The following ROBO2 variants were observed in gnomAD, a reference collection of about 807,000 sequenced individuals.
ROBO2 encodes the protein roundabout homolog 2.
ROBO2 carries 53 observed loss-of-function variants against 160.8 expected under a neutral mutation model. That is an observed-to-expected ratio of 0.33 (90% CI 0.26 to 0.41). ROBO2 has a LOEUF of 0.41. Among genes scored for constraint, ROBO2 ranks in the 10% least tolerant of loss-of-function variants. ROBO2 has a pLI of 1.00. For synonymous variants in ROBO2, 664 were observed against 611.7 expected (o/e 1.09, Z -1.26); for missense variants, 1,577 against 1,722.4 (o/e 0.92, Z 1.49).
chr3:75,922,615 A>G (rs1156401981), intron 1 of ROBO2, among the ~76,000 whole-genome samples: 1 of 152,096 alleles, frequency 6.6e-6, no homozygotes, highest in African/African-American at 2.4e-5. Flanking sequence ...AATGTATTAG[A>G]TTCCCTATTG....
At chr3:75,944,564 C>T (rs1948198773) in intron 2 of ROBO2, among the ~76,000 whole-genome samples, 1 of 152,080 alleles carries the variant, frequency 6.6e-6, no homozygotes, top group African/African-American at 2.4e-5. Flanking sequence ...ACACAGTGTT[C>T]ATAGTGTTTG....
intron 2 of ROBO2, among the ~76,000 whole-genome samples, chr3:76,622,245 A>AGAAAGAAAGAAAGAAAGAAAGAAAGAAG (rs1560252255): frequency 0.019 from 856 of 44,022 alleles, 28 homozygotes; most frequent in Admixed American, 0.032. Context: ...GAAGAAAGAA[A>AGAAAGAAAGAAAGAAAGAAAGAAAGAAG]GAAAGAAAGA....
intron 2 of ROBO2, among the ~76,000 whole-genome samples, chr3:77,334,162 C>T (rs935552346): frequency 3.9e-5 from 6 of 152,114 alleles, no homozygotes; most frequent in Non-Finnish European, 8.8e-5. Context: ...ATCATTTCAG[C>T]ATTGTATTAA....
At chr3:77,326,890 T>C (rs1467143453) in intron 2 of ROBO2, among the ~76,000 whole-genome samples, 1 of 152,234 alleles carries the variant, frequency 6.6e-6, no homozygotes, top group Non-Finnish European at 1.5e-5. Flanking sequence ...TGCGTTCTAT[T>C]TGAATTCCTC....
At chr3:76,273,563 C>T (rs945296081) in intron 2 of ROBO2, among the ~76,000 whole-genome samples, 1 of 152,100 alleles carries the variant, frequency 6.6e-6, no homozygotes, top group African/African-American at 2.4e-5. Flanking sequence ...ATACGTCATT[C>T]TTCACATGAT....
chr3:76,299,847 AG>A (rs1268434620), intron 2 of ROBO2, among the ~76,000 whole-genome samples: 83 of 152,270 alleles, frequency 5.5e-4, no homozygotes, highest in African/African-American at 1.9e-3. Flanking sequence ...TGAGGATGTA[AG>A]AATGACTAAG....
chr3:76,607,336 C>A (rs1387263457), intron 2 of ROBO2, among the ~76,000 whole-genome samples: 3 of 152,204 alleles, frequency 2.0e-5, no homozygotes, highest in Non-Finnish European at 4.4e-5. Flanking sequence ...GCTTCCATTT[C>A]ATTTTTAATA....
chr3:77,197,329 C>A (rs911663653), intron 2 of ROBO2, among the ~76,000 whole-genome samples: 1 of 152,204 alleles, frequency 6.6e-6, no homozygotes, highest in Non-Finnish European at 1.5e-5. Flanking sequence ...CAATAGACAA[C>A]CTCACTGAAT....
chr3:77,349,528 G>T (rs951559347), intron 2 of ROBO2, among the ~76,000 whole-genome samples: 3 of 152,130 alleles, frequency 2.0e-5, no homozygotes, highest in Admixed American at 6.6e-5. Context: ...TAAAGAGCTA[G>T]AAATGCTTTT....
intron 19 of ROBO2, among the ~76,000 whole-genome samples, chr3:77,601,452 A>C (rs960719680): frequency 6.6e-6 from 1 of 152,218 alleles, no homozygotes; most frequent in African/African-American, 2.4e-5. Flanking sequence ...ATAATTCAGC[A>C]TACCAAAATG....
At chr3:76,414,760 G>A (rs1450826371) in intron 2 of ROBO2, among the ~76,000 whole-genome samples, 1 of 129,436 alleles carries the variant, frequency 7.7e-6, no homozygotes, top group African/African-American at 3.8e-5. Context: ...AAAACTTAAA[G>A]TATAATTTAA....
chr3:77,291,229 A>G (rs1263899245), intron 2 of ROBO2, among the ~76,000 whole-genome samples: 6 of 146,818 alleles, frequency 4.1e-5, no homozygotes, highest in Non-Finnish European at 8.9e-5. Context: ...TAGAGCACTA[A>G]AGACATAAAG....
intron 2 of ROBO2, among the ~76,000 whole-genome samples, chr3:77,391,221 A>T (rs2074692293): frequency 6.6e-6 from 1 of 152,148 alleles, no homozygotes; most frequent in Non-Finnish European, 1.5e-5. Context: ...ATTGCTTATA[A>T]CCTGCAGTAT....
chr3:76,693,441 T>C (rs771145694), intron 2 of ROBO2, among the ~76,000 whole-genome samples: 4 of 129,968 alleles, frequency 3.1e-5, no homozygotes, highest in Non-Finnish European at 6.0e-5. Flanking sequence ...ACACACTCTA[T>C]ATATGTGTAT....
At chr3:76,138,960 A>G (rs12714850) in intron 2 of ROBO2, among the ~76,000 whole-genome samples, 76,194 of 151,990 alleles carry the variant, frequency 0.5, 20,779 homozygotes, top group South Asian at 0.63. Flanking sequence ...CTTATATGGA[A>G]TTTGCTCCAA....
At chr3:77,539,872 C>T (rs2092374877) in intron 6 of ROBO2, among the ~76,000 whole-genome samples, 1 of 152,172 alleles carries the variant, frequency 6.6e-6, no homozygotes, top group Admixed American at 6.5e-5. Context: ...TCAGGTTAAT[C>T]ATTGTTGACA....
At position 76,141,060 on chromosome 3, in the gene ROBO2, C is replaced by CATACATATATATATATATAT. The variant is rs1553656032; in HGVS notation, c.109+203461_109+203462insCATATATATATATATATATA. Among the ~76,000 whole-genome samples, 33 of 53,588 alleles carry CATACATATATATATATATAT rather than the reference C, an allele frequency of 6.2e-4. 1 individual carries two copies. In the East Asian group the frequency reaches 0.01, roughly 16 times the overall value. 35.2% of individuals were successfully genotyped at this position (53,588 alleles called of 152,430 possible). A position where few individuals can be genotyped will look rare whatever the true frequency, so the allele number is the denominator to read the frequency against. On this transcript the variant is annotated intron_variant, in intron 2 of 26. Transcript: ENST00000487694. ...ACACACACAGATGTCTTTTTACATA[C>CATACATATATATATATATAT]ATATATATATATATATAAAATATAT... is the stretch of plus-strand genomic sequence containing the variant.
chr3:77,275,827 C>G (rs906118879), intron 2 of ROBO2, among the ~76,000 whole-genome samples: 26 of 152,052 alleles, frequency 1.7e-4, no homozygotes, highest in African/African-American at 6.3e-4. Context: ...ATTATTTTCT[C>G]TTAATTTAGT....
At chr3:77,291,872 G>A (rs1363540985) in intron 2 of ROBO2, among the ~76,000 whole-genome samples, 4 of 151,856 alleles carry the variant, frequency 2.6e-5, no homozygotes, top group Non-Finnish European at 5.9e-5. Context: ...CAGACATAAA[G>A]TAAAATTGAT....
Sources: allele counts gnomAD v4.1 joint callset (sites outside exome capture counted in the v4.1 genomes callset), GRCh38; gene constraint gnomAD v4.1.1; transcripts MANE v1.5; gene names NCBI Gene and HGNC (gene_info 2026-07-23, HGNC 2026-07-21).